Variants in PRTFDC1 observed in about 807,000 individuals in gnomAD.
PRTFDC1 encodes phosphoribosyl transferase domain containing 1, also known as phosphoribosyltransferase domain-containing protein 1.
Under a neutral mutation model 34.6 loss-of-function variants are expected in PRTFDC1, and 38 were observed. That is an observed-to-expected ratio of 1.10 (90% CI 0.85 to 1.44). The LOEUF is 1.44. Ranked by LOEUF, PRTFDC1 falls within the 40% of genes most tolerant of loss-of-function variation. The pLI is 0.00. For missense variants in PRTFDC1, 270 were observed against 283.0 expected, an observed-to-expected ratio of 0.95 and a Z score of 0.33; for synonymous variants, 93 against 98.1, an observed-to-expected ratio of 0.95 and a Z score of 0.31.
At chr10:24,904,451 T>A (rs944269255) in intron 3 of PRTFDC1, among the ~76,000 whole-genome samples, 4 of 152,158 alleles carry the variant, frequency 2.6e-5, no homozygotes, top group Admixed American at 2.6e-4. Context: ...CCATCAGGTG[T>A]AAAGTACGAA....
chr10:24,855,226 C>G, intron 7 of PRTFDC1, 92 bp downstream of exon 7: 1 of 1,324,034 alleles, frequency 7.6e-7, no homozygotes, highest in South Asian at 1.3e-5. Flanking sequence ...GCAATGCTGT[C>G]AAATAGGAAA....
intron 3 of PRTFDC1, among the ~76,000 whole-genome samples, chr10:24,878,964 CT>C (rs1252754431): frequency 1.1e-4 from 17 of 152,156 alleles, no homozygotes; most frequent in African/African-American, 3.6e-4. Context: ...CTCAGCTATT[CT>C]CCTGTTCTCA....
intron 3 of PRTFDC1, among the ~76,000 whole-genome samples, chr10:24,907,469 G>A (rs576808622): frequency 1.3e-5 from 2 of 152,260 alleles, no homozygotes; most frequent in East Asian, 1.9e-4. Context: ...GGTGGCGCAC[G>A]CCTGTAGTCC....
intron 2 of PRTFDC1, among the ~76,000 whole-genome samples, chr10:24,939,439 C>G (rs987013450): frequency 1.3e-5 from 2 of 151,818 alleles, no homozygotes; most frequent in Non-Finnish European, 2.9e-5. Context: ...TATGAATGGT[C>G]TAAATATAGC....
chr10:24,867,104 C>G (rs1219254215), intron 4 of PRTFDC1, among the ~76,000 whole-genome samples: 1 of 151,832 alleles, frequency 6.6e-6, no homozygotes, highest in Non-Finnish European at 1.5e-5. Flanking sequence ...AATCCCATGT[C>G]TTCAAGGGCT....
intron 3 of PRTFDC1, among the ~76,000 whole-genome samples, chr10:24,926,551 G>A (rs1848878087): frequency 6.6e-6 from 1 of 152,190 alleles, no homozygotes; most frequent in Admixed American, 6.5e-5. Context: ...ATTTCACCAT[G>A]TTGCCCAGGC....
chr10:24,939,766 C>T (rs182594378), intron 2 of PRTFDC1, among the ~76,000 whole-genome samples: 6 of 132,956 alleles, frequency 4.5e-5, no homozygotes, highest in Non-Finnish European at 1.5e-5. Flanking sequence ...TGCACTCCAG[C>T]CAGGGTGACA....
chr10:24,861,866 T>C (rs1428576655), intron 4 of PRTFDC1, among the ~76,000 whole-genome samples: 1 of 152,192 alleles, frequency 6.6e-6, no homozygotes, highest in East Asian at 1.9e-4. Context: ...CTTGAACTTC[T>C]GGCCTCAAGT....
intron 3 of PRTFDC1, among the ~76,000 whole-genome samples, chr10:24,880,642 T>C (rs1848050868): frequency 6.6e-6 from 1 of 152,224 alleles, no homozygotes; most frequent in African/African-American, 2.4e-5. Flanking sequence ...TAAGAAGGAC[T>C]GCTGTCCCTC....
In PRTFDC1 at chr10:24,952,565, C is replaced by G; in HGVS notation, c.11G>C (p.Ser4Thr). Residue 4 changes from serine to threonine, a missense_variant, in exon 1 of 9, where the codon AGC becomes ACC. Coordinates refer to ENST00000320152, the MANE Select transcript of PRTFDC1 (RefSeq NM_020200.7). The surrounding 1 kb of genome is among the most constrained non-coding windows in gnomAD (Gnocchi z 5.1). MAG[S>T]SEEAPDYGRG... ...CCCGTAGTCTGGCGCCTCCTCGCTG[C>G]TCCCGGCCATGTTTCTCCCGGGGAA... 6.3e-7 allele frequency: 1 copy of G among 1,592,052 alleles called. No individual in the cohort carries two copies. The highest frequency in any genetic ancestry group is 8.6e-7 in the Non-Finnish European group (1 of 1,169,262).
rs142185766 is a variant in PRTFDC1 at position 24,858,393 on chromosome 10, T to C, written c.422A>G (p.Glu141Gly). 29 of 1,613,130 alleles carry C rather than the reference T, an allele frequency of 1.8e-5. No homozygotes were observed. The African/African-American group carries it at 3.7e-4, about 21-fold the overall frequency. The stretch of plus-strand genomic sequence containing the variant: ...ATGGAAAAGGAAATGCCAGCTTACC[T>C]CAACAATGAGAACATTCTGAAATAA... ...TLAGKNVLIVEDVVGTGRTMK... is the reference protein window; with the variant it reads ...TLAGKNVLIVGDVVGTGRTMK... Residue 141 changes from glutamate to glycine, a missense_variant and splice_region_variant, in exon 5 of 9, where the codon GAG (glutamate) becomes GGG (glycine). Glu to Gly is a moderately conservative substitution (Grantham distance 98, BLOSUM62 -2). Coordinates refer to ENST00000320152, the MANE Select transcript of PRTFDC1 (RefSeq NM_020200.7).
At position 24,918,738 on chromosome 10, in the gene PRTFDC1, G is replaced by C. The variant is rs551931127; in HGVS notation, c.339+18446C>G. On this transcript the variant is annotated intron_variant, in intron 3 of 8. Transcript: ENST00000320152. ...TCCAATCTGTCCTTTTTCAATAGAC[G>C]TTCCAAGACATTAAAGATAATATAA... Among the ~76,000 whole-genome samples, 36 of 152,220 alleles carry C rather than the reference G, an allele frequency of 2.4e-4. 1 individual carries two copies. The South Asian group carries it at 7.5e-3, about 32-fold the overall frequency.
intron 3 of PRTFDC1, among the ~76,000 whole-genome samples, chr10:24,900,847 A>G (rs1046241392): frequency 1.2e-4 from 19 of 152,236 alleles, no homozygotes; most frequent in African/African-American, 4.6e-4. Flanking sequence ...ATATAAATAA[A>G]AATCTATGCA....
chr10:24,877,076 A>G (rs1847979116), intron 3 of PRTFDC1, among the ~76,000 whole-genome samples: 1 of 152,098 alleles, frequency 6.6e-6, no homozygotes, highest in South Asian at 2.1e-4. Context: ...ACCTTTCAGG[A>G]ATTTGTGGCA....
chr10:24,944,210 C>T (rs1849216313), intron 1 of PRTFDC1, among the ~76,000 whole-genome samples: 1 of 152,162 alleles, frequency 6.6e-6, no homozygotes, highest in African/African-American at 2.4e-5. Context: ...CTGTCTTACC[C>T]AAGGCTCCCA....
intron 1 of PRTFDC1, among the ~76,000 whole-genome samples, chr10:24,949,827 C>T (rs1175201205): frequency 6.6e-5 from 10 of 151,732 alleles, no homozygotes; most frequent in African/African-American, 2.2e-4. Context: ...CTCCACCTTC[C>T]GGATTCAAGC....
chr10:24,884,419 C>G (rs562540247), intron 3 of PRTFDC1, among the ~76,000 whole-genome samples: 1 of 152,148 alleles, frequency 6.6e-6, no homozygotes, highest in East Asian at 1.9e-4. Flanking sequence ...CGTATTTGGG[C>G]CCAAAAAGTT....
At chr10:24,941,336 C>T (rs937681758) in intron 2 of PRTFDC1, among the ~76,000 whole-genome samples, 5 of 151,706 alleles carry the variant, frequency 3.3e-5, no homozygotes, top group South Asian at 2.1e-4. Flanking sequence ...ATTACAGGAA[C>T]GAGCCACTGT....
chr10:24,944,900 C>T (rs1399448598), intron 1 of PRTFDC1, among the ~76,000 whole-genome samples: 2 of 152,174 alleles, frequency 1.3e-5, no homozygotes, highest in Non-Finnish European at 2.9e-5. Flanking sequence ...CTGTGGCTCA[C>T]CAGGGATTAC....
Sources: gnomAD v4.1 joint callset for allele counts (sites outside exome capture counted in the v4.1 genomes callset) on GRCh38, gnomAD v4.1.1 for gene constraint, Gnocchi (gnomAD v3.1) non-coding constraint, MANE v1.5 for transcripts, NCBI Gene and HGNC (gene_info 2026-07-23, HGNC 2026-07-21) for gene names.